Variants in OTULINL observed in about 807,000 individuals in gnomAD.
OTULINL encodes inactive ubiquitin thioesterase OTULINL.
A neutral mutation model predicts 43.9 loss-of-function variants in OTULINL; 42 were observed. That is an observed-to-expected ratio of 0.96 (90% CI 0.75 to 1.24). The LOEUF (loss-of-function observed/expected upper bound fraction) is 1.24, where lower values mean the gene tolerates loss of function less well. Among genes scored for constraint, OTULINL ranks in the 50% most tolerant of loss-of-function variants. The pLI is 0.00. For missense variants in OTULINL, 411 were observed against 426.4 expected, an observed-to-expected ratio of 0.96 and a Z score of 0.32; for synonymous variants, 172 against 153.6, an observed-to-expected ratio of 1.12 and a Z score of -0.88.
intron 1 of OTULINL, among the ~76,000 whole-genome samples, chr5:14,594,468 G>C (rs1253373503): frequency 6.6e-6 from 1 of 152,200 alleles, no homozygotes; most frequent in East Asian, 1.9e-4. Flanking sequence ...GCCTATGAGA[G>C]AGGTGACCTA....
intron 1 of OTULINL, among the ~76,000 whole-genome samples, chr5:14,585,299 G>C (rs187063341): frequency 9.2e-5 from 14 of 152,052 alleles, no homozygotes; most frequent in Admixed American, 9.2e-4. Flanking sequence ...GCAGTTAAAG[G>C]CACCCACAAT....
intron 1 of OTULINL, among the ~76,000 whole-genome samples, chr5:14,595,027 C>T (rs1759262582): frequency 6.6e-6 from 1 of 152,166 alleles, no homozygotes; most frequent in South Asian, 2.1e-4. Context: ...AAATGTAGTA[C>T]TTCTACCTTA....
chr5:14,601,468 G>A (rs1560965297), intron 4 of OTULINL, 26 bp downstream of exon 4: 1 of 1,573,770 alleles, frequency 6.4e-7, no homozygotes, highest in Non-Finnish European at 8.7e-7. Context: ...GAGGGTATGG[G>A]AGAAATAGAG....
chr5:14,582,077 G>A (rs1759010629), intron 1 of OTULINL, 119 bp downstream of exon 1: 10 of 737,262 alleles, frequency 1.4e-5, no homozygotes, highest in Non-Finnish European at 1.8e-5. Context: ...TGCCTGTTGG[G>A]GGCTGGGAAT....
In OTULINL at chr5:14,581,828, C is replaced by T. The variant is rs939520871; in HGVS notation, c.-67C>T. Reference sequence around the variant, plus strand: ...GCGAGCCCGGGCGCCGGCGGGCGGCCGTCGCGTCTGACAGACCACTGCAGA... The same window carrying T: ...GCGAGCCCGGGCGCCGGCGGGCGGCTGTCGCGTCTGACAGACCACTGCAGA... On this transcript the variant is annotated 5_prime_UTR_variant, in exon 1 of 8. Coordinates refer to ENST00000274217, the MANE Select transcript of OTULINL (RefSeq NM_019018.3). 4 of 1,251,282 alleles carry T rather than the reference C, an allele frequency of 3.2e-6. No individual in the cohort carries two copies. The highest frequency in any genetic ancestry group is 4.4e-5 in the South Asian group (2 of 44,992). 77.5% of individuals were successfully genotyped at this position (1,251,282 alleles called of 1,614,324 possible). A position where few individuals can be genotyped will look rare whatever the true frequency, so the allele number is the denominator to read the frequency against.
chr5:14,585,188 G>GAGCTGCTAGTTACAACTAGC (rs560146525), intron 1 of OTULINL, among the ~76,000 whole-genome samples: 18 of 152,136 alleles, frequency 1.2e-4, no homozygotes, highest in South Asian at 4.2e-4. Flanking sequence ...AGAGGCCTGA[G>GAGCTGCTAGTTACAACTAGC]AGCTGCTAGT....
rs137914227 is a variant in OTULINL, at chr5:14,607,320, C to T, written c.499-10C>T. The T allele has an allele frequency of 3.5e-5, 56 of 1,613,028 alleles. No individual in the cohort carries two copies. In the Middle Eastern group the frequency reaches 6.6e-4, roughly 19 times the overall value. On this transcript the variant is annotated splice_polypyrimidine_tract_variant and intron_variant, in intron 5 of 7. Transcript: ENST00000274217. ...TGCTAATCATAGTTGGCATCTACTT[C>T]CTTTTCAAGCTTCCTGAAAAACTGC...
intron 1 of OTULINL, among the ~76,000 whole-genome samples, chr5:14,587,433 A>G (rs1170881000): frequency 6.6e-6 from 1 of 152,258 alleles, no homozygotes; most frequent in Admixed American, 6.5e-5. Flanking sequence ...GGTGGCACTC[A>G]TGTCAGTGGA....
chr5:14,609,788 G>A (rs1009785524), intron 7 of OTULINL, among the ~76,000 whole-genome samples: 4 of 152,054 alleles, frequency 2.6e-5, no homozygotes, highest in Non-Finnish European at 5.9e-5. Context: ...CCGCCACTGC[G>A]CCCGGCTAAT....
intron 7 of OTULINL, among the ~76,000 whole-genome samples, chr5:14,609,583 T>A (rs1759540912): frequency 6.6e-6 from 1 of 152,130 alleles, no homozygotes; most frequent in South Asian, 2.1e-4. Flanking sequence ...TGTTCTTTTA[T>A]TTTTTCACTA....
chr5:14,602,336 T>C lies in OTULINL; in HGVS notation c.498+4T>C, dbSNP rs773657350. On this transcript the variant is annotated splice_donor_region_variant and intron_variant, in intron 5 of 7. Transcript: ENST00000274217. ...GAAAGAAAAGGACATTGTTAAGGTA[T>C]GTCTTCCCCCTGGAAATGTGGGAAA... 11 of 1,611,006 alleles carry C rather than the reference T, an allele frequency of 6.8e-6. No individual in the cohort carries two copies. The highest frequency in any genetic ancestry group is 1.1e-5 in the South Asian group (1 of 90,144).
chr5:14,615,932 C>CT lies in OTULINL; in HGVS notation c.*5623dup, dbSNP rs557629823. Among the ~76,000 whole-genome samples the CT allele has an allele frequency of 1.3e-5, 2 of 152,306 alleles. No homozygotes were observed. The highest frequency in any genetic ancestry group is 4.8e-5 in the African/African-American group (2 of 41,550). ...TACAGAAGGACACACCACAGATCCT[C>CT]TTTTTAAAGCAGGTAATAAAGTAGC... On this transcript the variant is annotated 3_prime_UTR_variant, in exon 8 of 8. Coordinates refer to ENST00000274217, the MANE Select transcript of OTULINL (RefSeq NM_019018.3).
At chr5:14,597,752 C>T (rs1208886231) in intron 1 of OTULINL, among the ~76,000 whole-genome samples, 5 of 152,236 alleles carry the variant, frequency 3.3e-5, no homozygotes, top group African/African-American at 1.2e-4. Flanking sequence ...CTTCCATCCA[C>T]CTCCAGATGG....
At chr5:14,603,388 A>G (rs1049246033) in intron 5 of OTULINL, among the ~76,000 whole-genome samples, 3 of 152,246 alleles carry the variant, frequency 2.0e-5, no homozygotes, top group African/African-American at 4.8e-5. Flanking sequence ...GTTTAACTTC[A>G]TAAGAAACTG....
intron 1 of OTULINL, among the ~76,000 whole-genome samples, chr5:14,595,921 G>A (rs1021639338): frequency 6.6e-6 from 1 of 152,094 alleles, no homozygotes; most frequent in Non-Finnish European, 1.5e-5. Context: ...TGTGCTGTAT[G>A]TATGGTCTCA....
At chr5:14,599,848 A>T (rs1759352588) in intron 1 of OTULINL, among the ~76,000 whole-genome samples, 1 of 152,242 alleles carries the variant, frequency 6.6e-6, no homozygotes, top group Admixed American at 6.5e-5. Context: ...TCAAATCAGG[A>T]ATCACAGTGT....
rs201855537 is a variant in OTULINL, at chr5:14,609,621, ATTTTTTT to A, written c.898-499_898-493del. 1.3e-4 allele frequency among the ~76,000 whole-genome samples: 13 copies of A among 102,208 alleles called. No homozygotes were observed. In the South Asian group the frequency reaches 3.6e-3, roughly 28 times the overall value. 67.1% of individuals were successfully genotyped at this position (102,208 alleles called of 152,430 possible). On this transcript the variant is annotated intron_variant, in intron 7 of 7. Coordinates refer to ENST00000274217, the MANE Select transcript of OTULINL (RefSeq NM_019018.3). ...TTTTTTCAAGTAGCTTTTTCCTGTG[ATTTTTTT>A]TTTTTTTTTTTTTTTTTTTTGAGAC...
chr5:14,606,971 G>T (rs1479457416), intron 5 of OTULINL, among the ~76,000 whole-genome samples: 4 of 152,206 alleles, frequency 2.6e-5, no homozygotes, highest in Non-Finnish European at 4.4e-5. Flanking sequence ...GCTCACACCT[G>T]TAATTCCAGC....
chr5:14,608,655 C>T, intron 6 of OTULINL, 93 bp from the exon 7 acceptor site: 1 of 1,038,844 alleles, frequency 9.6e-7, no homozygotes, highest in African/African-American at 1.6e-5. Flanking sequence ...TTCTATTAAT[C>T]TTTGGTTTAT....
Sources: gnomAD v4.1 joint callset for allele counts (sites outside exome capture counted in the v4.1 genomes callset) on GRCh38, gnomAD v4.1.1 for gene constraint, MANE v1.5 for transcripts, NCBI Gene and HGNC (gene_info 2026-07-23, HGNC 2026-07-21) for gene names.